Variants in VPS41 observed in about 807,000 individuals in gnomAD.
VPS41 encodes the protein VPS41 subunit of HOPS complex.
A neutral mutation model predicts 130.9 loss-of-function variants in VPS41; 85 were observed. The observed-to-expected ratio is 0.65, with a 90% confidence interval of 0.55 to 0.78. The LOEUF (loss-of-function observed/expected upper bound fraction) is 0.78, where lower values mean the gene tolerates loss of function less well. Ranked by LOEUF, VPS41 falls within the 30% of genes least tolerant of loss-of-function variation. The probability of loss-of-function intolerance (pLI) is 0.00; values close to 1 mark genes in which losing one functional copy is unlikely to be tolerated. For synonymous variants in VPS41, 335 were observed against 332.9 expected (o/e 1.01, Z -0.07); for missense variants, 874 against 1,018.7 (o/e 0.86, Z 1.93).
chr7:38,754,156 A>G (rs1434376651), intron 21 of VPS41, among the ~76,000 whole-genome samples: 1 of 152,182 alleles, frequency 6.6e-6, no homozygotes, highest in African/African-American at 2.4e-5. Context: ...CACAAGAAAT[A>G]TGGAATTAGC....
At chr7:38,785,224 T>A (rs1472288174) in intron 10 of VPS41, among the ~76,000 whole-genome samples, 1 of 152,188 alleles carries the variant, frequency 6.6e-6, no homozygotes, top group Non-Finnish European at 1.5e-5. Flanking sequence ...GAAAATACAT[T>A]TGGAAATAAC....
chr7:38,809,332 AAT>A (rs548454686), intron 7 of VPS41, among the ~76,000 whole-genome samples: 3 of 148,124 alleles, frequency 2.0e-5, no homozygotes, highest in African/African-American at 7.4e-5. Flanking sequence ...AAAATACAAA[AAT>A]ATATATATAT....
At chr7:38,860,409 T>C (rs561290917) in intron 4 of VPS41, among the ~76,000 whole-genome samples, 15 of 152,130 alleles carry the variant, frequency 9.9e-5, no homozygotes, top group Non-Finnish European at 1.6e-4. Context: ...AGACAGTATT[T>C]TCAGCACTCC....
chr7:38,743,022 G>C (rs1265378649), intron 24 of VPS41, among the ~76,000 whole-genome samples: 2 of 151,914 alleles, frequency 1.3e-5, no homozygotes, highest in Non-Finnish European at 2.9e-5. Flanking sequence ...TTCCAAAAAA[G>C]ACTGGTAAGG....
At chr7:38,820,063 ACCCCAT>A (rs1411451745) in intron 6 of VPS41, among the ~76,000 whole-genome samples, 3 of 151,872 alleles carry the variant, frequency 2.0e-5, no homozygotes, top group African/African-American at 7.3e-5. Context: ...GGCATCCCAC[ACCCCAT>A]CCCCAAAGCG....
chr7:38,733,199 C>A (rs139905434), intron 25 of VPS41, among the ~76,000 whole-genome samples: 1 of 152,194 alleles, frequency 6.6e-6, no homozygotes, highest in African/African-American at 2.4e-5. Flanking sequence ...TGTAGCTATA[C>A]ATTTTGACTA....
At chr7:38,734,879 C>T (rs550984920) in intron 25 of VPS41, among the ~76,000 whole-genome samples, 13 of 152,268 alleles carry the variant, frequency 8.5e-5, no homozygotes, top group Admixed American at 7.2e-4. Flanking sequence ...AAACTTTTCC[C>T]CTCATTTCTA....
At chr7:38,759,728 C>G (rs1447472606) in intron 17 of VPS41, among the ~76,000 whole-genome samples, 1 of 152,144 alleles carries the variant, frequency 6.6e-6, no homozygotes, top group Non-Finnish European at 1.5e-5. Flanking sequence ...CTAACTGTAA[C>G]ATTTGGATGA....
chr7:38,832,362 C>T (rs1168498166), intron 4 of VPS41, among the ~76,000 whole-genome samples: 1 of 143,338 alleles, frequency 7.0e-6, no homozygotes, highest in Non-Finnish European at 1.5e-5. Flanking sequence ...GCTCTGTCAC[C>T]AGGCTACAGT....
At chr7:38,764,762 A>C (rs1783998792) in intron 16 of VPS41, among the ~76,000 whole-genome samples, 1 of 152,156 alleles carries the variant, frequency 6.6e-6, no homozygotes, top group African/African-American at 2.4e-5. Context: ...ATGGAAAAGG[A>C]CTGAATTTGG....
At chr7:38,799,783 CCAGA>C (rs2116004727) in intron 7 of VPS41, among the ~76,000 whole-genome samples, 1 of 152,076 alleles carries the variant, frequency 6.6e-6, no homozygotes, top group South Asian at 2.1e-4. Flanking sequence ...ATGGATTCAT[CCAGA>C]CAGATAGTAA....
At chr7:38,784,250 G>A (rs1784399775) in intron 10 of VPS41, among the ~76,000 whole-genome samples, 1 of 152,160 alleles carries the variant, frequency 6.6e-6, no homozygotes, top group Non-Finnish European at 1.5e-5. Context: ...GAGGCTCAGA[G>A]GGGTTAAGTA....
chr7:38,789,579 G>C (rs943264382), intron 10 of VPS41, among the ~76,000 whole-genome samples: 1 of 152,138 alleles, frequency 6.6e-6, no homozygotes, highest in African/African-American at 2.4e-5. Flanking sequence ...TGCACTCTGA[G>C]AACGATGTGG....
chr7:38,850,643 G>A (rs375604843), intron 4 of VPS41, among the ~76,000 whole-genome samples: 1 of 151,980 alleles, frequency 6.6e-6, no homozygotes, highest in Non-Finnish European at 1.5e-5. Context: ...ACTTGGTAGC[G>A]ACTTAATTCT....
intron 2 of VPS41, among the ~76,000 whole-genome samples, chr7:38,889,203 G>A (rs1198092774): frequency 2.0e-5 from 3 of 151,940 alleles, no homozygotes; most frequent in Non-Finnish European, 1.5e-5. Context: ...AAGAGAGTGG[G>A]ATTGAAAAAG....
intron 3 of VPS41, among the ~76,000 whole-genome samples, chr7:38,866,973 C>A (rs547855852): frequency 6.6e-6 from 1 of 151,712 alleles, no homozygotes; most frequent in South Asian, 2.1e-4. Flanking sequence ...GAATACTGTT[C>A]AGCAAAAAAA....
At chr7:38,799,617 G>C (rs1784687223) in intron 7 of VPS41, among the ~76,000 whole-genome samples, 1 of 152,064 alleles carries the variant, frequency 6.6e-6, no homozygotes. Flanking sequence ...TCTCACTAAA[G>C]AGCTTAAGTC....
chr7:38,793,955 A>G (rs1259733434), intron 9 of VPS41, among the ~76,000 whole-genome samples: 3 of 152,188 alleles, frequency 2.0e-5, no homozygotes, highest in Non-Finnish European at 4.4e-5. Flanking sequence ...TTGCTAAATA[A>G]AGTAATATTT....
chr7:38,835,654 C>T (rs1051551655), intron 4 of VPS41, among the ~76,000 whole-genome samples: 7 of 151,814 alleles, frequency 4.6e-5, no homozygotes, highest in Admixed American at 3.9e-4. Flanking sequence ...CTATTTTAGG[C>T]TCAAAATATG....
Sources: allele counts gnomAD v4.1 joint callset (sites outside exome capture counted in the v4.1 genomes callset), GRCh38; gene constraint gnomAD v4.1.1; transcripts MANE v1.5; gene names NCBI Gene and HGNC (gene_info 2026-07-23, HGNC 2026-07-21).